The following ZNF771 variants were observed in gnomAD, a reference collection of about 807,000 sequenced individuals.
The protein encoded by ZNF771 is zinc finger protein 771, also known as mesenchymal stem cell protein DSC43.
Under a neutral mutation model 27.6 loss-of-function variants are expected in ZNF771, and 10 were observed. That is an observed-to-expected ratio of 0.36 (90% CI 0.22 to 0.61). The LOEUF (loss-of-function observed/expected upper bound fraction) is 0.61. Among genes scored for constraint, ZNF771 ranks in the 20% least tolerant of loss-of-function variants. ZNF771 has a pLI of 0.70. For synonymous variants in ZNF771, 261 were observed against 225.2 expected, an observed-to-expected ratio of 1.16 and a Z score of -1.43; for missense variants, 438 against 503.7, an observed-to-expected ratio of 0.87 and a Z score of 1.25.
At chr16:30,409,182 G>T (rs1373473905) in intron 2 of ZNF771, among the ~76,000 whole-genome samples, 4 of 150,892 alleles carry the variant, frequency 2.7e-5, no homozygotes, top group Non-Finnish European at 3.0e-5. Context: ...TGCCATGTTG[G>T]CCAGACTGGT....
intron 1 of ZNF771, 72 bp from the exon 2 acceptor site, chr16:30,407,973 A>T: frequency 4.1e-6 from 4 of 964,352 alleles, no homozygotes; most frequent in Non-Finnish European, 5.5e-6. Context: ...TTGCTGGGCC[A>T]GGGCCACGGT....
intron 2 of ZNF771, among the ~76,000 whole-genome samples, chr16:30,416,574 C>T (rs2050135050): frequency 6.6e-6 from 1 of 152,168 alleles, no homozygotes; most frequent in Admixed American, 6.5e-5. Flanking sequence ...CACCATCCAC[C>T]GTCCACTTCT....
chr16:30,408,312 C>T (rs1276376770), intron 2 of ZNF771, 118 bp downstream of exon 2: 1 of 1,429,712 alleles, frequency 7.0e-7, no homozygotes, highest in African/African-American at 1.4e-5. Context: ...GATCTAAAAC[C>T]TCAGGATTGG....
Position 30,408,180 on chromosome 16 carries a change from A to G in ZNF771, c.127A>G (p.Met43Val). The G allele has an allele frequency of 6.2e-7, 1 of 1,613,814 alleles. No individual in the cohort carries two copies. Among genetic ancestry groups the G allele is most frequent in the Non-Finnish European group, 8.5e-7 (1 of 1,179,792 alleles). Residue 43 changes from methionine (M) to valine (V), a missense_variant, in exon 2 of 3, where the codon ATG (methionine) becomes GTG (valine). Coordinates refer to ENST00000319296, the MANE Select transcript of ZNF771 (RefSeq NM_001142305.2). ...TGAGGTGGTGAAACTCAAGATCCCC[A>G]TGGACAACAAGGAGGTATGTGTCAC... Reference protein sequence around the residue: ...KYEVVKLKIPMDNKEVPGEAP... With the variant: ...KYEVVKLKIPVDNKEVPGEAP...
At position 30,417,613 on chromosome 16, in the gene ZNF771, ACTG is replaced by A; in HGVS notation, c.202_204del (p.Cys68del). The stretch of plus-strand genomic sequence containing the variant: ...CCGGCGCGTCCCCACGCGTGCCCCG[ACTG>A]CGGCCGCGCCTTCGCGCGCCGCTCC... On this transcript the variant is annotated inframe_deletion, in exon 3 of 3. Coordinates refer to ENST00000319296, the MANE Select transcript of ZNF771 (RefSeq NM_001142305.2). 7.6e-7 allele frequency: 1 copy of A among 1,314,698 alleles called. No individual in the cohort carries two copies. Among genetic ancestry groups the A allele is most frequent in the African/African-American group, 1.5e-5 (1 of 64,700 alleles). The allele number at this position is 1,314,698 out of a possible 1,614,324, so 81.4% of individuals were successfully genotyped here. A position where few individuals can be genotyped will look rare whatever the true frequency, so the allele number is the denominator to read the frequency against.
At chr16:30,408,843 C>A (rs997089406) in intron 2 of ZNF771, among the ~76,000 whole-genome samples, 1 of 152,124 alleles carries the variant, frequency 6.6e-6, no homozygotes, top group Non-Finnish European at 1.5e-5. Flanking sequence ...GAGACAGGGT[C>A]TCATTCAGTC....
chr16:30,417,660 CG>C lies in ZNF771; in HGVS notation c.248del (p.Arg83ProfsTer24). Reference protein sequence around the residue: ...ARRSTLAKHARTHTGERPFGC... With the variant: ...ARRSTLAKHAXTHTGERPFGC... ...CCGCTCCACGCTGGCGAAGCACGCG[CG>C]CACGCACACGGGCGAACGGCCCTTC... On this transcript the variant is annotated frameshift_variant, in exon 3 of 3. Coordinates refer to ENST00000319296, the MANE Select transcript of ZNF771 (RefSeq NM_001142305.2). LOFTEE classifies it high-confidence loss of function. 7.3e-7 allele frequency: 1 copy of C among 1,376,058 alleles called. No homozygotes were observed. Among genetic ancestry groups the C allele is most frequent in the Non-Finnish European group, 9.4e-7 (1 of 1,067,088 alleles). The allele number at this position is 1,376,058 out of a possible 1,614,324, so 85.2% of individuals were successfully genotyped here.
At chr16:30,413,415 T>C (rs1269687458) in intron 2 of ZNF771, among the ~76,000 whole-genome samples, 3 of 152,356 alleles carry the variant, frequency 2.0e-5, no homozygotes, top group African/African-American at 7.2e-5. Flanking sequence ...TAAATAAATG[T>C]ACCTTCATCT....
In ZNF771 at chr16:30,418,141, G is replaced by C; in HGVS notation, c.728G>C (p.Arg243Pro). Residue 243 changes from arginine to proline, a missense_variant, in exon 3 of 3, where the codon CGC becomes CCC. By Grantham distance (103) the Arg-to-Pro change is moderately radical. Around this residue, in one of 3 missense-constraint regions of ZNF771, gnomAD observed 305 missense variants for 308.0 expected, o/e 0.99. Coordinates refer to ENST00000319296, the MANE Select transcript of ZNF771 (RefSeq NM_001142305.2). ...CAVCGRRFGH[R>P]SNLAEHARTH... ...GTGTGTGGCCGTCGCTTCGGCCACC[G>C]CTCCAACCTGGCGGAGCACGCGCGC... 1 of 1,475,744 alleles carries C rather than the reference G, an allele frequency of 6.8e-7. No individual in the cohort carries two copies. The highest frequency in any genetic ancestry group is 1.3e-5 in the South Asian group (1 of 76,924). The allele number at this position is 1,475,744 out of a possible 1,614,324, so 91.4% of individuals were successfully genotyped here.
At position 30,408,001 on chromosome 16, in the gene ZNF771, G is replaced by A. The variant is rs2050085631; in HGVS notation, c.-9-44G>A. The A allele has an allele frequency of 7.5e-6, 6 of 796,696 alleles. No homozygotes were observed. In the East Asian group the frequency reaches 1.9e-4, roughly 25 times the overall value. The allele number at this position is 796,696 out of a possible 1,614,324, so 49.4% of individuals were successfully genotyped here. ...GCCACGGTGGGCGGGGGGGGGGGTG[G>A]GGGGGGGCGGGTCCTGAGCTTCTGA... On this transcript the variant is annotated intron_variant, in intron 1 of 2. Transcript: ENST00000319296.
chr16:30,410,856 CAAAAAAAAAAAAA>C (rs71149015), intron 2 of ZNF771, among the ~76,000 whole-genome samples: 2 of 27,386 alleles, frequency 7.3e-5, no homozygotes, highest in East Asian at 1.7e-3. Context: ...CTCATCTCTA[CAAAAAAAAAAAAA>C]AAAAAAAAAA....
Position 30,418,480 on chromosome 16 carries a change from C to G in ZNF771, c.*113C>G, listed in dbSNP as rs1194423783. On this transcript the variant is annotated 3_prime_UTR_variant, in exon 3 of 3. Transcript: ENST00000319296. The stretch of plus-strand genomic sequence containing the variant: ...GAAATTGAGGGGACGGCAGGCCCGG[C>G]TGCCCTGGAACTGGGAGACAGGGAG... 15 of 1,133,106 alleles carry G rather than the reference C, an allele frequency of 1.3e-5. No homozygotes were observed. The highest frequency in any genetic ancestry group is 3.9e-5 in the Admixed American group (1 of 25,934). 70.2% of individuals were successfully genotyped at this position (1,133,106 alleles called of 1,614,324 possible).
At chr16:30,417,165 A>G (rs1415766685) in intron 2 of ZNF771, among the ~76,000 whole-genome samples, 4 of 152,158 alleles carry the variant, frequency 2.6e-5, no homozygotes, top group African/African-American at 4.8e-5. Context: ...TCATGTTATC[A>G]TATCGGTAAA....
At chr16:30,416,815 T>G (rs1331882634) in intron 2 of ZNF771, among the ~76,000 whole-genome samples, 1 of 149,480 alleles carries the variant, frequency 6.7e-6, no homozygotes, top group African/African-American at 2.5e-5. Flanking sequence ...CCAGGCACAG[T>G]GGTATGTGCC....
chr16:30,415,188 C>T (rs1037150547), intron 2 of ZNF771, among the ~76,000 whole-genome samples: 2 of 150,642 alleles, frequency 1.3e-5, no homozygotes, highest in Non-Finnish European at 3.0e-5. Flanking sequence ...GAACTCCTGA[C>T]CTCAAGTGAT....
intron 2 of ZNF771, 35 bp from the exon 3 acceptor site, chr16:30,417,520 C>A: frequency 1.7e-6 from 2 of 1,201,676 alleles, no homozygotes; most frequent in Non-Finnish European, 2.1e-6. Context: ...CCGGGGCCTG[C>A]CGCTAAGGGC....
At position 30,418,052 on chromosome 16, in the gene ZNF771, T is replaced by C. The variant is rs772313888; in HGVS notation, c.639T>C (p.Ala213=). The change falls in exon 3 of 3, where the codon GCT becomes GCC. Residue 213 remains alanine (A), a synonymous_variant. Transcript: ENST00000319296. ...YACADCGTRF[A]QSSALAKHRR... ...GCGCCGACTGCGGCACGCGCTTCGCTCAGAGCTCGGCGCTGGCCAAGCACC... is the reference window on the plus strand; with the variant it reads ...GCGCCGACTGCGGCACGCGCTTCGCCCAGAGCTCGGCGCTGGCCAAGCACC... 1 of 1,448,960 alleles carries C rather than the reference T, an allele frequency of 6.9e-7. No individual in the cohort carries two copies. The highest frequency in any genetic ancestry group is 9.0e-7 in the Non-Finnish European group (1 of 1,110,800). The allele number at this position is 1,448,960 out of a possible 1,614,324, so 89.8% of individuals were successfully genotyped here. A position where few individuals can be genotyped will look rare whatever the true frequency, so the allele number is the denominator to read the frequency against.
At chr16:30,416,920 TAAAAAA>T (rs34982677) in intron 2 of ZNF771, among the ~76,000 whole-genome samples, 4 of 100,834 alleles carry the variant, frequency 4.0e-5, no homozygotes, top group Admixed American at 1.1e-4. Context: ...CCCTGTCTCT[TAAAAAA>T]AAAAAAAAAA....
intron 1 of ZNF771, 25 bp downstream of exon 1, chr16:30,407,689 G>C (rs2050082472): frequency 5.8e-6 from 1 of 172,400 alleles, no homozygotes; most frequent in South Asian, 1.4e-4. Flanking sequence ...CCTCCCCGGG[G>C]TTTCCGCCCC....
Sources: gnomAD v4.1 joint callset for allele counts (sites outside exome capture counted in the v4.1 genomes callset) on GRCh38, gnomAD v4.1.1 for gene constraint, gnomAD v4.1.1 regional missense constraint, MANE v1.5 for transcripts, NCBI Gene and HGNC (gene_info 2026-07-23, HGNC 2026-07-21) for gene names.